Variants in SLC1A4 observed in about 807,000 individuals in gnomAD.
The protein encoded by SLC1A4 is solute carrier family 1 member 4.
In SLC1A4, 19 loss-of-function variants were observed where a neutral mutation model predicts 37.7. The ratio of observed to expected loss-of-function variants is 0.50; its 90% CI spans 0.35 to 0.74. The LOEUF (loss-of-function observed/expected upper bound fraction) is 0.74. SLC1A4 is among the 30% of genes least tolerant of loss of function. The pLI is 0.01. For missense variants in SLC1A4, 570 were observed against 712.9 expected (o/e 0.80, Z 2.28); for synonymous variants, 299 against 309.8 (o/e 0.97, Z 0.37).
rs1674232789 is a variant in SLC1A4, at chr2:65,018,074, A to G, written c.1038A>G (p.Ser346=). The change falls in exon 6 of 8, where the codon TCA becomes TCG. Residue 346 remains serine, a synonymous_variant. Coordinates refer to ENST00000234256, the MANE Select transcript of SLC1A4 (RefSeq NM_003038.5). The surrounding 1 kb of genome is among the most constrained non-coding windows in gnomAD (Gnocchi z 4.3). ...GGTTTGTTTTTCCCATTTCTAGCTC[A>G]GCGACCCTTCCCTCTATGATGAAGT... The part of the protein sequence containing the change: ...FATAFATCSS[S]ATLPSMMKCI... 1 of 1,611,886 alleles carries G rather than the reference A, an allele frequency of 6.2e-7. No homozygotes were observed. Among genetic ancestry groups the G allele is most frequent in the Admixed American group, 1.7e-5 (1 of 59,856 alleles).
At chr2:65,010,517 C>A in intron 3 of SLC1A4, 80 bp from the exon 4 acceptor site, 1 of 1,198,044 alleles carries the variant, frequency 8.3e-7, no homozygotes, top group Non-Finnish European at 1.2e-6. Flanking sequence ...GTGTTTCAGT[C>A]TGGTGGGGAC....
chr2:65,004,259 G>T (rs955498475), intron 3 of SLC1A4, among the ~76,000 whole-genome samples: 1 of 151,898 alleles, frequency 6.6e-6, no homozygotes, highest in African/African-American at 2.4e-5. Context: ...TTTGTTGTTT[G>T]TTTGTTTGTT....
chr2:65,006,059 CTCT>C (rs146015158), intron 3 of SLC1A4, among the ~76,000 whole-genome samples: 3,672 of 152,174 alleles, frequency 0.024, 136 homozygotes, highest in African/African-American at 0.084. Context: ...CACTAATTGT[CTCT>C]TCAATAACTT....
intron 3 of SLC1A4, among the ~76,000 whole-genome samples, chr2:65,004,560 T>C (rs1295655578): frequency 6.6e-6 from 1 of 152,018 alleles, no homozygotes; most frequent in Admixed American, 6.6e-5. Context: ...AGTGCTGGGA[T>C]TGTAAGTGTG....
At chr2:65,010,797 C>G in intron 4 of SLC1A4, 34 bp downstream of exon 4, 1 of 1,585,442 alleles carries the variant, frequency 6.3e-7, no homozygotes, top group South Asian at 1.2e-5. Context: ...TCTCTCTCTC[C>G]TTCCTCCTGC....
intron 1 of SLC1A4, among the ~76,000 whole-genome samples, chr2:64,997,143 A>AC (rs1388680129): frequency 6.6e-6 from 1 of 152,042 alleles, no homozygotes; most frequent in African/African-American, 2.4e-5. Context: ...AAAGCAAAGG[A>AC]GGATGCTTTC....
chr2:64,991,201 G>T (rs1392815939), intron 1 of SLC1A4, among the ~76,000 whole-genome samples: 2 of 152,222 alleles, frequency 1.3e-5, no homozygotes, highest in Non-Finnish European at 2.9e-5. Flanking sequence ...TGGGCAAAGT[G>T]ACTTGCCTTT....
At chr2:65,016,931 C>T (rs970843588) in intron 5 of SLC1A4, among the ~76,000 whole-genome samples, 2 of 152,232 alleles carry the variant, frequency 1.3e-5, no homozygotes, top group African/African-American at 4.8e-5. Context: ...CAGGCATGCA[C>T]AGCCACACCA....
At chr2:64,989,248 CCCGGCGGCGG>C, upstream of SLC1A4, among the ~76,000 whole-genome samples, 1 of 85,140 alleles carries the variant, frequency 1.2e-5, no homozygotes, top group Middle Eastern at 5.6e-3. Flanking sequence ...ACCAGAGGCT[CCCGGCGGCGG>C]CTCCCGGCGG....
At position 65,016,663 on chromosome 2, in the gene SLC1A4, A is replaced by G. The variant is rs1361959335; in HGVS notation, c.1024A>G (p.Thr342Ala). Residue 342 changes from threonine (T) to alanine (A), a missense_variant, in exon 5 of 8, where the codon ACC (threonine) becomes GCC (alanine). By Grantham distance (58) the Thr-to-Ala change is moderately conservative. Transcript: ENST00000234256. The part of the protein sequence containing the change: ...LLAPFATAFA[T>A]CSSSATLPSM... ...CGCCCCATTTGCGACAGCATTTGCT[A>G]CCTGCTCCAGGTGAGTGGGTTTTGG... 8 of 1,613,556 alleles carry G rather than the reference A, an allele frequency of 5.0e-6. No individual in the cohort carries two copies. Among genetic ancestry groups the G allele is most frequent in the Non-Finnish European group, 5.1e-6 (6 of 1,179,464 alleles).
In SLC1A4 at chr2:65,013,737, C is replaced by T. The variant is rs1348386240; in HGVS notation, c.801-2703C>T. Reference sequence around the variant, plus strand: ...CTCAACCAAGTATGGGAGGCATTGTCAGTATTACCGCTTTCTGCAATCTTT... The same window carrying T: ...CTCAACCAAGTATGGGAGGCATTGTTAGTATTACCGCTTTCTGCAATCTTT... On this transcript the variant is annotated intron_variant, in intron 4 of 7. Transcript: ENST00000234256. Among the ~76,000 whole-genome samples, 3 of 152,154 alleles carry T rather than the reference C, an allele frequency of 2.0e-5. No homozygotes were observed. The East Asian group carries it at 5.8e-4, about 29-fold the overall frequency.
rs765089126 is a variant in SLC1A4 at position 65,016,603 on chromosome 2, C to T, written c.964C>T (p.Arg322Ter). 11 of 1,613,960 alleles carry T rather than the reference C, an allele frequency of 6.8e-6. No homozygotes were observed. Among genetic ancestry groups the T allele is most frequent in the African/African-American group, 1.3e-5 (1 of 74,892 alleles). ...VLPLIYFVFTRKNPFRFLLGL... is the reference protein window; with the variant it reads ...VLPLIYFVFT ...GCCACTTATTTATTTTGTTTTCACA[C>T]GAAAAAACCCATTCAGATTCCTCCT... is the stretch of plus-strand genomic sequence containing the variant. The change falls in exon 5 of 8, where the codon CGA (arginine) becomes TGA (stop). Residue 322 changes from arginine (R) to a stop codon, truncating the protein, a stop_gained. Coordinates refer to ENST00000234256, the MANE Select transcript of SLC1A4 (RefSeq NM_003038.5). LOFTEE classifies it high-confidence loss of function.
In SLC1A4 at chr2:65,018,547, T is replaced by C; in HGVS notation, c.1232T>C (p.Val411Ala). ...LNAGQIFTIL[V>A]TATASSVGAA... ...GGCCCTGCTCTGCCATCCCTTAGAG[T>C]GACTGCCACAGCGTCCAGTGTTGGA... The change falls in exon 7 of 8, where the codon GTG (valine) becomes GCG (alanine). Residue 411 changes from valine (V) to alanine (A), a missense_variant and splice_region_variant. Val to Ala is a moderately conservative substitution (Grantham distance 64, BLOSUM62 0). Coordinates refer to ENST00000234256, the MANE Select transcript of SLC1A4 (RefSeq NM_003038.5). This position sits in a 1 kb window ranked among gnomAD's most constrained non-coding sequence, Gnocchi z 4.3. 1.2e-6 allele frequency: 2 copies of C among 1,614,102 alleles called. No homozygotes were observed. The highest frequency in any genetic ancestry group is 1.7e-6 in the Non-Finnish European group (2 of 1,180,006).
intron 3 of SLC1A4, among the ~76,000 whole-genome samples, chr2:65,005,246 C>T (rs371308124): frequency 3.9e-5 from 6 of 152,142 alleles, no homozygotes; most frequent in Non-Finnish European, 7.3e-5. Context: ...CATTTCAGAA[C>T]GGATGGCATT....
Position 65,022,920 on chromosome 2 carries a change from C to A in SLC1A4, c.*1774C>A, listed in dbSNP as rs1674483385. 1 of 152,188 alleles carries A rather than the reference C, an allele frequency of 6.6e-6. No individual in the cohort carries two copies. Among genetic ancestry groups the A allele is most frequent in the Admixed American group, 6.5e-5 (1 of 15,270 alleles). The allele number at this position is 152,188 out of a possible 1,614,324, so 9.4% of individuals were successfully genotyped here. ...GGGCACACGCTTATGGATGTGTGTA[C>A]CATTGAGATGAGAATGGGTAGATGG... On this transcript the variant is annotated 3_prime_UTR_variant, in exon 8 of 8. Coordinates refer to ENST00000234256, the MANE Select transcript of SLC1A4 (RefSeq NM_003038.5).
intron 4 of SLC1A4, among the ~76,000 whole-genome samples, chr2:65,013,176 C>A (rs896010326): frequency 1.3e-5 from 2 of 152,144 alleles, no homozygotes; most frequent in East Asian, 3.9e-4. Context: ...GACATAAATC[C>A]AAACCATATC....
intron 3 of SLC1A4, among the ~76,000 whole-genome samples, chr2:65,006,980 C>A (rs571800471): frequency 6.6e-6 from 1 of 152,162 alleles, no homozygotes; most frequent in Non-Finnish European, 1.5e-5. Flanking sequence ...TGCCTCTGAC[C>A]CGTGGCTCTA....
At chr2:64,995,092 G>T (rs941506052) in intron 1 of SLC1A4, among the ~76,000 whole-genome samples, 1 of 152,116 alleles carries the variant, frequency 6.6e-6, no homozygotes, top group Admixed American at 6.5e-5. Context: ...TTTAAAAAAA[G>T]GTTCTCACTC....
At position 65,018,040 on chromosome 2, in the gene SLC1A4, A is replaced by G. The variant is rs769512088; in HGVS notation, c.1035-31A>G. ...TGTTAGCCTGCCTCGGACTGTTGTCATGTCTGGCGGTTTGTTTTTCCCATT... is the reference window on the plus strand; with the variant it reads ...TGTTAGCCTGCCTCGGACTGTTGTCGTGTCTGGCGGTTTGTTTTTCCCATT... On this transcript the variant is annotated intron_variant, in intron 5 of 7. Transcript: ENST00000234256. The surrounding 1 kb of genome is among the most constrained non-coding windows in gnomAD (Gnocchi z 4.3). The G allele has an allele frequency of 3.0e-5, 48 of 1,599,874 alleles. No homozygotes were observed. Among genetic ancestry groups the G allele is most frequent in the Non-Finnish European group, 2.7e-5 (32 of 1,169,014 alleles).
Sources: gnomAD v4.1 joint callset for allele counts (sites outside exome capture counted in the v4.1 genomes callset) on GRCh38, gnomAD v4.1.1 for gene constraint, Gnocchi (gnomAD v3.1) non-coding constraint, MANE v1.5 for transcripts, NCBI Gene and HGNC (gene_info 2026-07-23, HGNC 2026-07-21) for gene names.